Variants in MAD1L1 observed in about 807,000 individuals in gnomAD.
MAD1L1 encodes the protein mitotic spindle assembly checkpoint protein MAD1.
In MAD1L1, 95 loss-of-function variants were observed where a neutral mutation model predicts 96.9. The ratio of observed to expected loss-of-function variants is 0.98; its 90% CI spans 0.83 to 1.16. The LOEUF is 1.16. Ranked by LOEUF, MAD1L1 falls within the 50% of genes most tolerant of loss-of-function variation. The pLI, the probability that MAD1L1 is intolerant of heterozygous loss-of-function variation, is 0.00. For missense variants in MAD1L1, 1,007 were observed against 954.4 expected, an observed-to-expected ratio of 1.06 and a Z score of -0.73; for synonymous variants, 473 against 396.6, an observed-to-expected ratio of 1.19 and a Z score of -2.29.
rs34020959 is a variant in MAD1L1, at chr7:2,215,376, C to CA, written c.924+508dup. On this transcript the variant is annotated intron_variant, in intron 9 of 18. Transcript: ENST00000265854. ...CTGGGGACAGGGCGAGACTCCATCT[C>CA]AAAAAAAAAAAAAAAAAAAGCCCAC... is the stretch of plus-strand genomic sequence containing the variant. Among the ~76,000 whole-genome samples the CA allele has an allele frequency of 3.3e-3, 277 of 83,006 alleles. 1 individual carries two copies. Among genetic ancestry groups the CA allele is most frequent in the Admixed American group, 4.6e-3 (37 of 8,034 alleles). The allele number at this position is 83,006 out of a possible 152,430, so 54.5% of individuals were successfully genotyped here. A position where few individuals can be genotyped will look rare whatever the true frequency, so the allele number is the denominator to read the frequency against.
chr7:2,149,488 C>G (rs920774301), intron 10 of MAD1L1, among the ~76,000 whole-genome samples: 2 of 152,164 alleles, frequency 1.3e-5, no homozygotes, highest in African/African-American at 4.8e-5. Context: ...CCTGTAGAAA[C>G]AGAGACACGA....
chr7:2,051,925 G>A (rs1435894625), intron 12 of MAD1L1, among the ~76,000 whole-genome samples: 1 of 152,016 alleles, frequency 6.6e-6, no homozygotes. Flanking sequence ...TGATTTCACT[G>A]GGAAGTCTTT....
chr7:2,054,137 G>C (rs1784297569), intron 12 of MAD1L1, among the ~76,000 whole-genome samples: 1 of 152,244 alleles, frequency 6.6e-6, no homozygotes, highest in African/African-American at 2.4e-5. Context: ...AAATCTCCCT[G>C]AAAGGGCCAG....
intron 11 of MAD1L1, among the ~76,000 whole-genome samples, chr7:2,117,301 C>A (rs1197612413): frequency 6.6e-6 from 1 of 152,208 alleles, no homozygotes; most frequent in East Asian, 1.9e-4. Context: ...AACTAACAGG[C>A]AGTCCAGCTC....
chr7:1,883,792 T>C (rs936278503), intron 18 of MAD1L1, among the ~76,000 whole-genome samples: 2 of 152,202 alleles, frequency 1.3e-5, no homozygotes, highest in Non-Finnish European at 2.9e-5. Flanking sequence ...TGTGTCTCTA[T>C]TACCCAGACA....
chr7:2,142,432 G>C lies in MAD1L1; in HGVS notation c.1073+6720C>G, dbSNP rs1015800498. On this transcript the variant is annotated intron_variant, in intron 11 of 18. Coordinates refer to ENST00000265854, the MANE Select transcript of MAD1L1 (RefSeq NM_001013836.2). This position sits in a 1 kb window ranked among gnomAD's most constrained non-coding sequence, Gnocchi z 4.7. ...GTCCGGGGCTGCGGGAGAAACTCTT[G>C]GGACCAGCCCCACATGGGACGCACA... is the stretch of plus-strand genomic sequence containing the variant. 2.6e-5 allele frequency among the ~76,000 whole-genome samples: 4 copies of C among 152,200 alleles called. No individual in the cohort carries two copies.
At chr7:2,222,830 C>G in intron 4 of MAD1L1, 76 bp from the exon 5 acceptor site, 2 of 1,213,576 alleles carry the variant, frequency 1.6e-6, no homozygotes, top group South Asian at 1.5e-5. Context: ...CCCCACACCT[C>G]TCTCAGAACA....
At chr7:2,030,467 G>A (rs1339553944) in intron 12 of MAD1L1, among the ~76,000 whole-genome samples, 1 of 152,210 alleles carries the variant, frequency 6.6e-6, no homozygotes, top group Admixed American at 6.5e-5. Flanking sequence ...CTTCTTTCAT[G>A]AACAGATAAG....
intron 13 of MAD1L1, among the ~76,000 whole-genome samples, chr7:2,014,297 G>C (rs951242073): frequency 6.6e-6 from 1 of 152,162 alleles, no homozygotes; most frequent in East Asian, 1.9e-4. Context: ...TGACAGCGGA[G>C]GATGCTGCAG....
intron 18 of MAD1L1, among the ~76,000 whole-genome samples, chr7:1,833,147 A>C (rs975963404): frequency 1.3e-5 from 2 of 152,240 alleles, no homozygotes; most frequent in Admixed American, 6.5e-5. Context: ...GCTATTGTAC[A>C]CTTGACAGAC....
chr7:2,134,436 A>C (rs73039212), intron 11 of MAD1L1, among the ~76,000 whole-genome samples: 4,036 of 152,330 alleles, frequency 0.026, 92 homozygotes, highest in South Asian at 0.07. Context: ...AAACAAAGAC[A>C]GTTTTATTTC....
At chr7:2,226,761 G>A (rs921161255) in intron 3 of MAD1L1, among the ~76,000 whole-genome samples, 3 of 152,156 alleles carry the variant, frequency 2.0e-5, no homozygotes, top group African/African-American at 4.8e-5. Flanking sequence ...AGGCCAAGGC[G>A]GGTGGATCAC....
At chr7:2,090,682 CGCAGGG>C (rs1319983918) in intron 11 of MAD1L1, among the ~76,000 whole-genome samples, 1 of 152,196 alleles carries the variant, frequency 6.6e-6, no homozygotes, top group Non-Finnish European at 1.5e-5. Context: ...GCAGGCCCCC[CGCAGGG>C]TCAGGTGTGT....
chr7:1,961,353 G>T (rs551148548), intron 15 of MAD1L1, among the ~76,000 whole-genome samples: 2 of 152,200 alleles, frequency 1.3e-5, no homozygotes, highest in Non-Finnish European at 2.9e-5. Context: ...CGTTAAAGCC[G>T]TAGTAATCAC....
At chr7:2,020,702 A>C (rs1211296831) in intron 12 of MAD1L1, among the ~76,000 whole-genome samples, 1 of 152,098 alleles carries the variant, frequency 6.6e-6, no homozygotes, top group African/African-American at 2.4e-5. Flanking sequence ...ACTAGTTAAA[A>C]ACACACACAA....
intron 12 of MAD1L1, among the ~76,000 whole-genome samples, chr7:2,045,465 G>A (rs980881738): frequency 6.6e-6 from 1 of 152,174 alleles, no homozygotes; most frequent in Non-Finnish European, 1.5e-5. Flanking sequence ...GAGCCCGCAG[G>A]GTCACACCAG....
intron 11 of MAD1L1, among the ~76,000 whole-genome samples, chr7:2,087,781 A>G (rs1051244793): frequency 6.6e-6 from 1 of 152,218 alleles, no homozygotes; most frequent in Non-Finnish European, 1.5e-5. Context: ...GGGAGCTGAA[A>G]GAAAGCTAGC....
rs114638588 is a variant in MAD1L1, at chr7:2,198,089, T to G, written c.986+15123A>C. ...AGGTCCACCATGAGTTTGGGTTTTT[T>G]TTTTTTTTTTTGGAGGAAGGGTTAT... On this transcript the variant is annotated intron_variant, in intron 10 of 18. Transcript: ENST00000265854. Among the ~76,000 whole-genome samples the G allele has an allele frequency of 1.1e-3, 158 of 149,164 alleles. 1 individual carries two copies. Among genetic ancestry groups the G allele is most frequent in the Admixed American group, 4.7e-3 (70 of 14,772 alleles).
At chr7:2,185,388 G>A (rs1199741824) in intron 10 of MAD1L1, among the ~76,000 whole-genome samples, 1 of 152,178 alleles carries the variant, frequency 6.6e-6, no homozygotes, top group Non-Finnish European at 1.5e-5. Flanking sequence ...ACTTCCAGAG[G>A]TAATGGAAAC....
Sources: allele counts gnomAD v4.1 joint callset (sites outside exome capture counted in the v4.1 genomes callset), GRCh38; gene constraint gnomAD v4.1.1; non-coding constraint Gnocchi (gnomAD v3.1); transcripts MANE v1.5; gene names NCBI Gene and HGNC (gene_info 2026-07-23, HGNC 2026-07-21).